The following RNASE4 variants were observed in gnomAD, a reference collection of about 807,000 sequenced individuals.
The protein encoded by RNASE4 is ribonuclease A family member 4.
For missense variants in RNASE4, 194 were observed against 192.8 expected (o/e 1.01, Z -0.04); for synonymous variants, 93 against 71.4 (o/e 1.30, Z -1.52).
intron 1 of RNASE4, chr14:20,693,603 G>GCTGGGT (rs758351505): frequency 1.9e-6 from 3 of 1,613,850 alleles, no homozygotes; most frequent in East Asian, 2.2e-5. Flanking sequence ...TGGTCTTCGT[G>GCTGGGT]CTGGGTCTGG....
At chr14:20,693,783 C>G in intron 1 of RNASE4, 2 of 1,614,192 alleles carry the variant, frequency 1.2e-6, no homozygotes, top group Non-Finnish European at 1.7e-6. Flanking sequence ...TTCATGGCAA[C>G]AAGCGCAGCA....
At chr14:20,690,208 C>A (rs1207762872) in intron 1 of RNASE4, among the ~76,000 whole-genome samples, 1 of 96,516 alleles carries the variant, frequency 1.0e-5, no homozygotes, top group Non-Finnish European at 1.8e-5. Flanking sequence ...GGCGACAGAG[C>A]GAGACTCCGT....
intron 1 of RNASE4, among the ~76,000 whole-genome samples, chr14:20,692,801 T>TC (rs941093441): frequency 2.6e-5 from 4 of 152,228 alleles, no homozygotes; most frequent in East Asian, 1.9e-4. Context: ...CCCCATCTTT[T>TC]CCCCATGGAT....
intron 1 of RNASE4, chr14:20,693,348 G>A (rs1886901869): frequency 4.5e-6 from 3 of 668,010 alleles, no homozygotes; most frequent in South Asian, 3.8e-5. Context: ...GTTGTGCTCA[G>A]GAAACTATTA....
intron 1 of RNASE4, chr14:20,693,887 A>G (rs771940687): frequency 2.5e-6 from 4 of 1,614,176 alleles, no homozygotes; most frequent in East Asian, 4.5e-5. Context: ...TGCAAGCTAC[A>G]TGGAGGTTCC....
At chr14:20,687,989 A>T (rs999453777) in intron 1 of RNASE4, among the ~76,000 whole-genome samples, 2 of 152,180 alleles carry the variant, frequency 1.3e-5, no homozygotes, top group Admixed American at 6.5e-5. Flanking sequence ...AAACTATGAG[A>T]TCTATAAGGT....
chr14:20,692,694 TGA>T (rs1238955991), intron 1 of RNASE4, among the ~76,000 whole-genome samples: 2 of 152,206 alleles, frequency 1.3e-5, no homozygotes, highest in Non-Finnish European at 2.9e-5. Context: ...TCCACAAAAA[TGA>T]TCCCTGGTGC....
chr14:20,686,604 A>T (rs1886437762), intron 1 of RNASE4, among the ~76,000 whole-genome samples: 1 of 152,240 alleles, frequency 6.6e-6, no homozygotes, highest in Admixed American at 6.5e-5. Context: ...CACAAAGCCC[A>T]GAGTTGGTTG....
chr14:20,694,338 C>T (rs1217203130), intron 1 of RNASE4, among the ~76,000 whole-genome samples: 5 of 117,652 alleles, frequency 4.2e-5, no homozygotes, highest in South Asian at 2.9e-4. Context: ...CTCACTCTGT[C>T]GCCCAGGCTT....
chr14:20,685,404 A>G (rs547894081), intron 1 of RNASE4, among the ~76,000 whole-genome samples: 1 of 152,322 alleles, frequency 6.6e-6, no homozygotes, highest in African/African-American at 2.4e-5. Context: ...GAAATCTCAG[A>G]TGAGCCAAGA....
chr14:20,685,571 A>G (rs146252785), intron 1 of RNASE4, among the ~76,000 whole-genome samples: 1 of 152,340 alleles, frequency 6.6e-6, no homozygotes, highest in East Asian at 1.9e-4. Flanking sequence ...AAGTTTTGCA[A>G]GAGGATAGGT....
intron 1 of RNASE4, chr14:20,693,856 T>C (rs1279031955): frequency 1.9e-6 from 3 of 1,614,124 alleles, no homozygotes; most frequent in South Asian, 1.1e-5. Context: ...AATAAGCAAG[T>C]CTTCTTTCCA....
chr14:20,695,892 C>T (rs892503804), intron 1 of RNASE4, among the ~76,000 whole-genome samples: 1 of 152,248 alleles, frequency 6.6e-6, no homozygotes, highest in African/African-American at 2.4e-5. Context: ...AAACTGAAAA[C>T]ACTGTCATTC....
intron 1 of RNASE4, among the ~76,000 whole-genome samples, chr14:20,691,992 A>T (rs1167981988): frequency 6.6e-6 from 1 of 152,248 alleles, no homozygotes; most frequent in Non-Finnish European, 1.5e-5. Context: ...GAACAGCAAT[A>T]TCCCCACAAC....
At chr14:20,690,221 C>CAAAATAAAA (rs1886664248) in intron 1 of RNASE4, among the ~76,000 whole-genome samples, 1 of 67,978 alleles carries the variant, frequency 1.5e-5, no homozygotes, top group Non-Finnish European at 2.5e-5. Context: ...GACTCCGTCT[C>CAAAATAAAA]AAAAAAAAAA....
intron 1 of RNASE4, among the ~76,000 whole-genome samples, chr14:20,688,230 G>C (rs1325274589): frequency 1.3e-5 from 2 of 152,090 alleles, no homozygotes; most frequent in Non-Finnish European, 2.9e-5. Flanking sequence ...GGGAGGGGCA[G>C]TGTACTAATA....
Position 20,699,933 on chromosome 14 carries a change from T to C in RNASE4, c.*118T>C, listed in dbSNP as rs1887240678. ...TCTCCTCAGCTCATTTCCTACTCTT[T>C]TTCTCTATATAACTCATTCTATTAA... On this transcript the variant is annotated 3_prime_UTR_variant, in exon 2 of 2. Transcript: ENST00000555835. 2 of 818,666 alleles carry C rather than the reference T, an allele frequency of 2.4e-6. No homozygotes were observed. Among genetic ancestry groups the C allele is most frequent in the Admixed American group, 4.6e-5 (2 of 43,096 alleles). 50.7% of individuals were successfully genotyped at this position (818,666 alleles called of 1,614,324 possible).
At position 20,700,835 on chromosome 14, in the gene RNASE4, C is replaced by G. The variant is rs1009003265; in HGVS notation, c.*1020C>G. On this transcript the variant is annotated 3_prime_UTR_variant, in exon 2 of 2. Coordinates refer to ENST00000555835, the MANE Select transcript of RNASE4 (RefSeq NM_002937.5). Reference sequence around the variant, plus strand: ...GAATATTTAGAAGCAAATTAGGGAGCTGTCAGGTCTCTGAGCCCAAGCCTG... The same window carrying G: ...GAATATTTAGAAGCAAATTAGGGAGGTGTCAGGTCTCTGAGCCCAAGCCTG... 3 of 153,218 alleles carry G rather than the reference C, an allele frequency of 2.0e-5. No homozygotes were observed. The highest frequency in any genetic ancestry group is 2.9e-5 in the Non-Finnish European group (2 of 68,044). 9.5% of individuals were successfully genotyped at this position (153,218 alleles called of 1,614,324 possible). A position where few individuals can be genotyped will look rare whatever the true frequency, so the allele number is the denominator to read the frequency against.
chr14:20,688,932 G>A, intron 1 of RNASE4: 1 of 919,778 alleles, frequency 1.1e-6, no homozygotes, highest in African/African-American at 1.8e-5. Flanking sequence ...CCATTTTAAT[G>A]AAACCATTTT....
Sources: gnomAD v4.1 joint callset for allele counts (sites outside exome capture counted in the v4.1 genomes callset) on GRCh38, gnomAD v4.1.1 for gene constraint, MANE v1.5 for transcripts, NCBI Gene and HGNC (gene_info 2026-07-23, HGNC 2026-07-21) for gene names.